Variants in MEGF6 observed in about 807,000 individuals in gnomAD.
The protein encoded by MEGF6 is multiple EGF like domains 6.
MEGF6 carries 184 observed loss-of-function variants against 207.1 expected under a neutral mutation model. That is an observed-to-expected ratio of 0.89 (90% confidence interval 0.79 to 1.00). The LOEUF (loss-of-function observed/expected upper bound fraction) is 1.00. Among genes scored for constraint, MEGF6 ranks in the 50% least tolerant of loss-of-function variants. The pLI is 0.00. For synonymous variants in MEGF6, 1,038 were observed against 910.0 expected (o/e 1.14, Z -2.53); for missense variants, 2,282 against 2,202.9 (o/e 1.04, Z -0.72).
At chr1:3,585,922 T>TGTG (rs1643887162) in intron 3 of MEGF6, among the ~76,000 whole-genome samples, 1 of 134,832 alleles carries the variant, frequency 7.4e-6, no homozygotes, top group Non-Finnish European at 1.6e-5. Context: ...TGGGTGTGAG[T>TGTG]GACACATGTC....
intron 4 of MEGF6, among the ~76,000 whole-genome samples, chr1:3,566,024 C>G (rs12749547): frequency 2.0e-5 from 3 of 152,144 alleles, no homozygotes; most frequent in African/African-American, 7.2e-5. Flanking sequence ...CCTCCCCCAG[C>G]GCTCTCAGCA....
intron 13 of MEGF6, among the ~76,000 whole-genome samples, chr1:3,508,176 C>T (rs116739097): frequency 0.02 from 3,114 of 152,298 alleles, 54 homozygotes; most frequent in Middle Eastern, 0.044. Flanking sequence ...GCCTCACTGA[C>T]AGTTATGACG....
intron 2 of MEGF6, among the ~76,000 whole-genome samples, chr1:3,598,245 C>T (rs759679381): frequency 6.6e-6 from 1 of 152,208 alleles, no homozygotes; most frequent in Non-Finnish European, 1.5e-5. Flanking sequence ...CTTGCCGGGG[C>T]TGCTGCATGG....
chr1:3,490,340 C>A lies in MEGF6; in HGVS notation c.*188G>T. On this transcript the variant is annotated 3_prime_UTR_variant, in exon 37 of 37. Transcript: ENST00000356575. ...CTCTTCCAGCGGCCATGCGAGGCTTCCCTCCTCAAGGCCACACCAGCCTCC... is the reference window on the plus strand; with the variant it reads ...CTCTTCCAGCGGCCATGCGAGGCTTACCTCCTCAAGGCCACACCAGCCTCC... 1.6e-6 allele frequency: 1 copy of A among 639,586 alleles called. No homozygotes were observed. Among genetic ancestry groups the A allele is most frequent in the South Asian group, 2.0e-5 (1 of 49,024 alleles). The allele number at this position is 639,586 out of a possible 1,614,324, so 39.6% of individuals were successfully genotyped here.
chr1:3,541,117 G>C (rs953589293), intron 4 of MEGF6, among the ~76,000 whole-genome samples: 1 of 152,186 alleles, frequency 6.6e-6, no homozygotes, highest in Non-Finnish European at 1.5e-5. Flanking sequence ...TGTCCCCTCT[G>C]CCACCCTCCA....
intron 4 of MEGF6, among the ~76,000 whole-genome samples, chr1:3,539,605 C>T (rs576866908): frequency 2.6e-5 from 4 of 152,206 alleles, no homozygotes; most frequent in Non-Finnish European, 5.9e-5. Flanking sequence ...GGGGCACAAT[C>T]GCCCCAACCT....
Position 3,595,406 on chromosome 1 carries a change from T to C in MEGF6, c.308A>G (p.Glu103Gly). 3 of 1,612,532 alleles carry C rather than the reference T, an allele frequency of 1.9e-6. No homozygotes were observed. Among genetic ancestry groups the C allele is most frequent in the Non-Finnish European group, 2.5e-6 (3 of 1,179,846 alleles). ...GCAGCACCTGAGCACGGTCCGGGCC[T>C]CCGTGGTATACACCTGCCTGTAGCC... is the stretch of plus-strand genomic sequence containing the variant. ...YMGYRQVYTT[E>G]ARTVLRCCRG... is the part of the protein sequence containing the mutation. Residue 103 changes from glutamate to glycine, a missense_variant, in exon 3 of 37, where the codon GAG (glutamate) becomes GGG (glycine). By Grantham distance (98) the Glu-to-Gly change is moderately conservative. Transcript: ENST00000356575.
Position 3,595,372 on chromosome 1 carries a change from C to T in MEGF6, c.342G>A (p.Trp114Ter), listed in dbSNP as rs1644046327. The T allele has an allele frequency of 6.2e-7, 1 of 1,612,506 alleles. No homozygotes were observed. The highest frequency in any genetic ancestry group is 1.3e-5 in the African/African-American group (1 of 74,914). ...AGCCCTCCTCGTCGGGCTGCTGCATCCACCCTCGGCAGCACCTGAGCACGG... is the reference window on the plus strand; with the variant it reads ...AGCCCTCCTCGTCGGGCTGCTGCATTCACCCTCGGCAGCACCTGAGCACGG... ...ARTVLRCCRG[W>*]MQQPDEEGCL... The change falls in exon 3 of 37, where the codon TGG (tryptophan) becomes TGA (stop). Residue 114 changes from tryptophan to a stop codon, truncating the protein, a stop_gained. Transcript: ENST00000356575. LOFTEE classifies it high-confidence loss of function.
At chr1:3,592,798 A>G (rs573335978) in intron 3 of MEGF6, among the ~76,000 whole-genome samples, 1 of 152,290 alleles carries the variant, frequency 6.6e-6, no homozygotes, top group South Asian at 2.1e-4. Context: ...GACCATGAAA[A>G]CAAGCAAAAG....
At chr1:3,608,898 C>T (rs919705045) in intron 1 of MEGF6, among the ~76,000 whole-genome samples, 3 of 152,184 alleles carry the variant, frequency 2.0e-5, no homozygotes, top group African/African-American at 7.2e-5. Context: ...CAGTTCTGCC[C>T]GCTCCAGGGA....
At chr1:3,498,350 C>A in intron 26 of MEGF6, 21 bp downstream of exon 26, 1 of 1,591,400 alleles carries the variant, frequency 6.3e-7, no homozygotes, top group Non-Finnish European at 8.5e-7. Context: ...GCAGACCCCC[C>A]TGCTGCCCCG....
chr1:3,529,474 G>T (rs1215474872), intron 4 of MEGF6, among the ~76,000 whole-genome samples: 1 of 152,240 alleles, frequency 6.6e-6, no homozygotes, highest in African/African-American at 2.4e-5. Flanking sequence ...GAGCCATCTG[G>T]TGAGAGACGA....
chr1:3,611,271 T>C lies in MEGF6; in HGVS notation c.-3A>G, dbSNP rs1357767422. 4 of 1,464,830 alleles carry C rather than the reference T, an allele frequency of 2.7e-6. No homozygotes were observed. The highest frequency in any genetic ancestry group is 2.9e-5 in the African/African-American group (2 of 68,038). The allele number at this position is 1,464,830 out of a possible 1,614,324, so 90.7% of individuals were successfully genotyped here. ...CTCGCCTCTTCAAGGAACGACATCG[T>C]GCGCGCCGGTGCCTCCTCCGCTCTC... is the stretch of plus-strand genomic sequence containing the variant. On this transcript the variant is annotated 5_prime_UTR_variant, in exon 1 of 37. Coordinates refer to ENST00000356575, the MANE Select transcript of MEGF6 (RefSeq NM_001409.4).
In MEGF6 at chr1:3,494,663, T is replaced by C. The variant is rs776652372; in HGVS notation, c.3950A>G (p.Asn1317Ser). ...CRNGGLCHAS[N>S]GSCSCGLGWT... ...GCCCAGGCCACAGGAGCAGCTGCCG[T>C]TGCTGGCGTGGCACAGGCCCCCATT... The change falls in exon 31 of 37, where the codon AAC (asparagine) becomes AGC (serine). Residue 1317 changes from asparagine (N) to serine (S), a missense_variant. Coordinates refer to ENST00000356575, the MANE Select transcript of MEGF6 (RefSeq NM_001409.4). 1.5e-5 allele frequency: 23 copies of C among 1,567,516 alleles called. No homozygotes were observed. The South Asian group carries it at 2.7e-4, about 18-fold the overall frequency.
At chr1:3,578,577 C>T (rs1370323533) in intron 4 of MEGF6, among the ~76,000 whole-genome samples, 1 of 152,056 alleles carries the variant, frequency 6.6e-6, no homozygotes, top group Admixed American at 6.5e-5. Context: ...ACAGACAGAT[C>T]TCAGTCCATG....
At chr1:3,531,115 G>T (rs1008669797) in intron 4 of MEGF6, 1 of 1,528,408 alleles carries the variant, frequency 6.5e-7, no homozygotes, top group Non-Finnish European at 8.8e-7. Flanking sequence ...GGGGTAGCCG[G>T]CCTGGCCCAG....
intron 6 of MEGF6, 99 bp from the exon 7 acceptor site, chr1:3,514,771 T>C: frequency 7.6e-7 from 1 of 1,312,150 alleles, no homozygotes; most frequent in South Asian, 1.5e-5. Context: ...CACCCAGTGC[T>C]CTCCCCACTC....
chr1:3,495,929 G>A lies in MEGF6; in HGVS notation c.3832C>T (p.Leu1278Phe). Residue 1278 changes from leucine to phenylalanine, a missense_variant, in exon 30 of 37, where the codon CTC (leucine) becomes TTC (phenylalanine). By Grantham distance (22) the Leu-to-Phe change is conservative. Transcript: ENST00000356575. The stretch of plus-strand genomic sequence containing the variant: ...ACGCCGGCTCTCCCCGGGGGGCAGA[G>A]GCAGGTGCCGGTCACAGGGTCGCAG... ...AACDPVTGTC[L>F]CPPGRAGVRC... 6.3e-7 allele frequency: 1 copy of A among 1,596,468 alleles called. No homozygotes were observed. Among genetic ancestry groups the A allele is most frequent in the Non-Finnish European group, 8.5e-7 (1 of 1,178,542 alleles).
chr1:3,500,865 T>G lies in MEGF6; in HGVS notation c.2575+101A>C, dbSNP rs1640829562. On this transcript the variant is annotated intron_variant, in intron 20 of 36. Coordinates refer to ENST00000356575, the MANE Select transcript of MEGF6 (RefSeq NM_001409.4). ...GGCGTCTCAGGACTGGGGCAAGGCC[T>G]CCTGCAAGCCCCTAGTCCTCGGGGG... 2.5e-6 allele frequency: 4 copies of G among 1,595,696 alleles called. No individual in the cohort carries two copies. In the African/African-American group the frequency reaches 4.0e-5, roughly 16 times the overall value.
Sources: gnomAD v4.1 joint callset for allele counts (sites outside exome capture counted in the v4.1 genomes callset) on GRCh38, gnomAD v4.1.1 for gene constraint, MANE v1.5 for transcripts, NCBI Gene and HGNC (gene_info 2026-07-23, HGNC 2026-07-21) for gene names.